CDH13: variants seen among roughly 807,000 people sequenced by gnomAD.
The protein encoded by CDH13 is cadherin 13.
CDH13 carries 24 observed loss-of-function variants against 63.8 expected under a neutral mutation model. That is an observed-to-expected ratio of 0.38 (90% CI 0.27 to 0.53). The LOEUF is 0.53. Among genes scored for constraint, CDH13 ranks in the 20% least tolerant of loss-of-function variants. CDH13 has a pLI of 0.85. For synonymous variants in CDH13, 503 were observed against 355.3 expected (o/e 1.42, Z -4.67); for missense variants, 1,049 against 903.1 (o/e 1.16, Z -2.07).
At chr16:82,912,980 C>T (rs1172499224) in intron 2 of CDH13, among the ~76,000 whole-genome samples, 1 of 150,596 alleles carries the variant, frequency 6.6e-6, no homozygotes, top group Non-Finnish European at 1.5e-5. Context: ...AAAATTGTGT[C>T]TTTTTCAACG....
chr16:83,232,545 C>T (rs540957228), intron 5 of CDH13, among the ~76,000 whole-genome samples: 3 of 107,958 alleles, frequency 2.8e-5, no homozygotes, highest in Admixed American at 2.5e-4. Context: ...ACAACAACAA[C>T]AAACAAACAA....
chr16:83,600,469 C>A (rs899005322), intron 7 of CDH13, among the ~76,000 whole-genome samples: 1 of 152,130 alleles, frequency 6.6e-6, no homozygotes, highest in African/African-American at 2.4e-5. Flanking sequence ...GAGCAGACAG[C>A]CAGTTGCACT....
chr16:82,692,870 G>C (rs1915774919), intron 1 of CDH13, among the ~76,000 whole-genome samples: 1 of 152,172 alleles, frequency 6.6e-6, no homozygotes, highest in South Asian at 2.1e-4. Flanking sequence ...CTCACTTCCT[G>C]GTCTTCACGG....
chr16:82,694,624 A>AT (rs1261273437), intron 1 of CDH13, among the ~76,000 whole-genome samples: 1 of 152,074 alleles, frequency 6.6e-6, no homozygotes, highest in African/African-American at 2.4e-5. Context: ...TTTTTGGTGA[A>AT]TTTTCCCACT....
chr16:82,733,008 C>T (rs1398171563), intron 1 of CDH13, among the ~76,000 whole-genome samples: 1 of 152,190 alleles, frequency 6.6e-6, no homozygotes, highest in Non-Finnish European at 1.5e-5. Context: ...TCTGCTTTCT[C>T]AACATAAGGC....
intron 2 of CDH13, among the ~76,000 whole-genome samples, chr16:82,923,718 G>A (rs1346837749): frequency 1.3e-5 from 2 of 152,242 alleles, no homozygotes; most frequent in Non-Finnish European, 2.9e-5. Context: ...GATACATGCA[G>A]TGAAGCGGCT....
chr16:83,111,983 T>C (rs1042219901), intron 3 of CDH13, among the ~76,000 whole-genome samples: 1 of 152,206 alleles, frequency 6.6e-6, no homozygotes, highest in Non-Finnish European at 1.5e-5. Flanking sequence ...AATATCAATA[T>C]GTGCACAAAT....
chr16:83,226,566 T>A (rs541277857), intron 5 of CDH13, among the ~76,000 whole-genome samples: 1 of 151,808 alleles, frequency 6.6e-6, no homozygotes, highest in African/African-American at 2.4e-5. Flanking sequence ...ATGGCTACCC[T>A]TTTTTTTCTG....
At chr16:83,397,448 T>C (rs1325216844) in intron 6 of CDH13, 1 of 152,208 alleles carries the variant, frequency 6.6e-6, no homozygotes, top group Non-Finnish European at 1.5e-5. Context: ...CTCTGCTCTG[T>C]TGTGACTTTT....
intron 1 of CDH13, among the ~76,000 whole-genome samples, chr16:82,776,608 C>G (rs2035509032): frequency 6.6e-6 from 1 of 152,166 alleles, no homozygotes; most frequent in Non-Finnish European, 1.5e-5. Flanking sequence ...TTAGGAAGTG[C>G]TGGTTTTAAC....
At chr16:83,345,133 T>G in intron 6 of CDH13, 127 bp downstream of exon 6, 7 of 1,023,830 alleles carry the variant, frequency 6.8e-6, no homozygotes, top group East Asian at 2.5e-5. Flanking sequence ...GACTTAATAC[T>G]TCCCTGCGTA....
At chr16:82,750,444 A>G (rs2151068803) in intron 1 of CDH13, among the ~76,000 whole-genome samples, 1 of 152,248 alleles carries the variant, frequency 6.6e-6, no homozygotes, top group East Asian at 1.9e-4. Context: ...CTTGTTGGTT[A>G]TTCTGCTTAT....
At chr16:82,876,649 G>C (rs1186633959) in intron 2 of CDH13, among the ~76,000 whole-genome samples, 1 of 152,166 alleles carries the variant, frequency 6.6e-6, no homozygotes, top group African/African-American at 2.4e-5. Flanking sequence ...GTTAAGATAG[G>C]AATAACTTAA....
intron 7 of CDH13, among the ~76,000 whole-genome samples, chr16:83,512,299 G>A (rs939638447): frequency 2.0e-5 from 3 of 146,742 alleles, no homozygotes; most frequent in African/African-American, 5.1e-5. Flanking sequence ...CTAGCCTGGC[G>A]GACAGAGTGA....
intron 1 of CDH13, among the ~76,000 whole-genome samples, chr16:82,842,606 A>G (rs1355530915): frequency 6.6e-6 from 1 of 152,136 alleles, no homozygotes; most frequent in Non-Finnish European, 1.5e-5. Flanking sequence ...TTTTGGCACT[A>G]GGACTGGTTT....
At chr16:83,521,486 C>T (rs558562491) in intron 7 of CDH13, among the ~76,000 whole-genome samples, 1 of 152,098 alleles carries the variant, frequency 6.6e-6, no homozygotes. Flanking sequence ...AATACGGTGT[C>T]AACAACAGCA....
intron 10 of CDH13, among the ~76,000 whole-genome samples, chr16:83,702,386 T>C (rs1235499426): frequency 1.3e-5 from 2 of 152,154 alleles, no homozygotes; most frequent in East Asian, 3.9e-4. Context: ...CTCTGCTCCA[T>C]AACGTTCAGA....
chr16:83,707,270 A>C (rs543131223), intron 10 of CDH13, among the ~76,000 whole-genome samples: 1 of 152,326 alleles, frequency 6.6e-6, no homozygotes, highest in East Asian at 1.9e-4. Context: ...CATGGTCCGT[A>C]ACACTTTCGG....
chr16:83,347,329 C>G lies in CDH13; in HGVS notation c.781+2323C>G, dbSNP rs563174304. Among the ~76,000 whole-genome samples the G allele has an allele frequency of 2.5e-3, 192 of 77,650 alleles. 1 individual carries two copies. The highest frequency in any genetic ancestry group is 0.012 in the Middle Eastern group (1 of 82). 50.9% of individuals were successfully genotyped at this position (77,650 alleles called of 152,430 possible). A position where few individuals can be genotyped will look rare whatever the true frequency, so the allele number is the denominator to read the frequency against. Reference sequence around the variant, plus strand: ...TGTTGTAGAAATTATTCGACACCCACTGGGAGTAAGGGTGGGGGTAGGGGT... The same window carrying G: ...TGTTGTAGAAATTATTCGACACCCAGTGGGAGTAAGGGTGGGGGTAGGGGT... On this transcript the variant is annotated intron_variant, in intron 6 of 13. Coordinates refer to ENST00000567109, the MANE Select transcript of CDH13 (RefSeq NM_001257.5).
Sources: gnomAD v4.1 joint callset for allele counts (sites outside exome capture counted in the v4.1 genomes callset) on GRCh38, gnomAD v4.1.1 for gene constraint, MANE v1.5 for transcripts, NCBI Gene and HGNC (gene_info 2026-07-23, HGNC 2026-07-21) for gene names.